GRM1: variants seen among roughly 807,000 people sequenced by gnomAD.
GRM1 encodes the protein metabotropic glutamate receptor 1.
In GRM1, 33 loss-of-function variants were observed where a neutral mutation model predicts 90.9. That is an observed-to-expected ratio of 0.36 (90% confidence interval 0.28 to 0.49). The LOEUF (loss-of-function observed/expected upper bound fraction) is 0.49, where lower values mean the gene tolerates loss of function less well. Among genes scored for constraint, GRM1 ranks in the 20% least tolerant of loss-of-function variants. GRM1 has a pLI of 0.99. For missense variants in GRM1, 1,190 were observed against 1,534.3 expected, an observed-to-expected ratio of 0.78 and a Z score of 3.75; for synonymous variants, 700 against 613.2, an observed-to-expected ratio of 1.14 and a Z score of -2.09.
chr6:146,053,509 C>T (rs893143805), intron 1 of GRM1, among the ~76,000 whole-genome samples: 1 of 152,034 alleles, frequency 6.6e-6, no homozygotes, highest in Non-Finnish European at 1.5e-5. Flanking sequence ...CCAGGAACCT[C>T]ATTTTGCAGA....
At chr6:146,286,646 T>G (rs1782774873) in intron 2 of GRM1, among the ~76,000 whole-genome samples, 1 of 152,212 alleles carries the variant, frequency 6.6e-6, no homozygotes, top group South Asian at 2.1e-4. Context: ...AAGGGCTTCA[T>G]GTTTAGATAT....
chr6:146,086,433 G>A (rs1298758963), intron 1 of GRM1, among the ~76,000 whole-genome samples: 3 of 152,072 alleles, frequency 2.0e-5, no homozygotes, highest in Admixed American at 6.6e-5. Flanking sequence ...GTAAGAGAAA[G>A]GGTGCTCATT....
chr6:146,384,048 G>T (rs1776410783), intron 5 of GRM1, among the ~76,000 whole-genome samples: 2 of 152,062 alleles, frequency 1.3e-5, no homozygotes, highest in Admixed American at 1.3e-4. Flanking sequence ...ATTTCCTGAT[G>T]GTTGTTCATT....
At position 146,043,796 on chromosome 6, in the gene GRM1, T is replaced by TATATATATAGATATATATAG. The variant is rs1554260530; in HGVS notation, c.700+13588_700+13589insGATATATATAGATATATATA. ...AAGAGTCAGGTGATATATATATATA[T>TATATATATAGATATATATAG]ATATATATATATATAAAGGGAAGTG... is the stretch of plus-strand genomic sequence containing the variant. On this transcript the variant is annotated intron_variant, in intron 1 of 7. Transcript: ENST00000282753. Among the ~76,000 whole-genome samples the TATATATATAGATATATATAG allele has an allele frequency of 1.3e-4, 18 of 137,942 alleles. No individual in the cohort carries two copies. The South Asian group carries it at 3.8e-3, about 29-fold the overall frequency. 90.5% of individuals were successfully genotyped at this position (137,942 alleles called of 152,430 possible). A position where few individuals can be genotyped will look rare whatever the true frequency, so the allele number is the denominator to read the frequency against.
chr6:146,134,652 C>T (rs569056473), intron 1 of GRM1, among the ~76,000 whole-genome samples: 20 of 152,166 alleles, frequency 1.3e-4, no homozygotes, highest in African/African-American at 4.6e-4. Flanking sequence ...CAGCATGGAC[C>T]GGGTGTGGTG....
chr6:146,425,380 T>C (rs1010920146), intron 7 of GRM1, among the ~76,000 whole-genome samples: 4 of 152,232 alleles, frequency 2.6e-5, no homozygotes, highest in African/African-American at 9.6e-5. Flanking sequence ...GGAAGGGGCA[T>C]GGTCTCCTCC....
chr6:146,381,826 C>T (rs1376043476), intron 5 of GRM1, among the ~76,000 whole-genome samples: 2 of 152,044 alleles, frequency 1.3e-5, no homozygotes, highest in Non-Finnish European at 2.9e-5. Context: ...ACTTTTCCAC[C>T]ATTATGTTCT....
intron 5 of GRM1, among the ~76,000 whole-genome samples, chr6:146,380,492 T>G (rs1237591789): frequency 6.6e-6 from 1 of 152,110 alleles, no homozygotes; most frequent in Non-Finnish European, 1.5e-5. Context: ...GTCTCTGAAG[T>G]CAGCTTGTGG....
chr6:146,274,813 G>T (rs986190910), intron 2 of GRM1, among the ~76,000 whole-genome samples: 1 of 152,120 alleles, frequency 6.6e-6, no homozygotes, highest in Non-Finnish European at 1.5e-5. Flanking sequence ...AAATGCATCA[G>T]GACCAAGATG....
At chr6:146,159,627 TCTCTCTCTCTCTCTCACA>T in intron 2 of GRM1, 30 bp downstream of exon 2, 3 of 1,522,368 alleles carry the variant, frequency 2.0e-6, no homozygotes, top group African/African-American at 3.5e-5. Context: ...TCTCTCTCTC[TCTCTCTCTCTCTCTCACA>T]CACACACATG....
At chr6:146,423,635 G>T (rs927836552) in intron 7 of GRM1, among the ~76,000 whole-genome samples, 1 of 152,120 alleles carries the variant, frequency 6.6e-6, no homozygotes, top group Non-Finnish European at 1.5e-5. Context: ...AGTCACAGAG[G>T]CCACAGAGCT....
At chr6:146,302,539 TTTTA>T (rs370040664) in intron 2 of GRM1, among the ~76,000 whole-genome samples, 160 of 150,276 alleles carry the variant, frequency 1.1e-3, no homozygotes, top group African/African-American at 3.4e-3. Context: ...ATCCAGATAA[TTTTA>T]TTTATTTATT....
At chr6:146,161,448 G>T (rs1219943750) in intron 2 of GRM1, among the ~76,000 whole-genome samples, 1 of 152,118 alleles carries the variant, frequency 6.6e-6, no homozygotes, top group Non-Finnish European at 1.5e-5. Context: ...TAATGCAATT[G>T]AACTCATACA....
At chr6:146,094,608 T>C (rs1776817704) in intron 1 of GRM1, among the ~76,000 whole-genome samples, 1 of 152,138 alleles carries the variant, frequency 6.6e-6, no homozygotes. Context: ...AATCATTTCA[T>C]TGTTAATGGT....
chr6:146,152,740 G>A (rs1286784675), intron 1 of GRM1, among the ~76,000 whole-genome samples: 2 of 152,086 alleles, frequency 1.3e-5, no homozygotes, highest in Non-Finnish European at 2.9e-5. Context: ...AACATTTCTT[G>A]GCAACTCTTA....
intron 2 of GRM1, among the ~76,000 whole-genome samples, chr6:146,282,148 C>G (rs557672776): frequency 1.3e-5 from 2 of 152,174 alleles, no homozygotes; most frequent in African/African-American, 4.8e-5. Context: ...CACACTCTTT[C>G]CTGTCTGTCT....
intron 7 of GRM1, among the ~76,000 whole-genome samples, chr6:146,419,643 G>C (rs1272972562): frequency 6.6e-6 from 1 of 152,110 alleles, no homozygotes; most frequent in Non-Finnish European, 1.5e-5. Flanking sequence ...ATCACGACTG[G>C]GAGGCCTCAG....
chr6:146,293,537 G>C (rs188212538), intron 2 of GRM1, among the ~76,000 whole-genome samples: 143 of 151,936 alleles, frequency 9.4e-4, no homozygotes, highest in Admixed American at 2.0e-3. Context: ...CAACAATATC[G>C]TGAGTGATAT....
Position 146,161,984 on chromosome 6 carries a change from T to G in GRM1, c.950+2387T>G, listed in dbSNP as rs370744175. On this transcript the variant is annotated intron_variant, in intron 2 of 7. Coordinates refer to ENST00000282753, the MANE Select transcript of GRM1 (RefSeq NM_001278064.2). ...TATCGGGGATGGATTCTATCCTAAA[T>G]GCTGCTCTGTCACTCATGTCAATGG... is the stretch of plus-strand genomic sequence containing the variant. Among the ~76,000 whole-genome samples the G allele has an allele frequency of 9.8e-5, 15 of 152,306 alleles. No individual in the cohort carries two copies. In the East Asian group the frequency reaches 2.3e-3, roughly 24 times the overall value.
Sources: allele counts gnomAD v4.1 joint callset (sites outside exome capture counted in the v4.1 genomes callset), GRCh38; gene constraint gnomAD v4.1.1; transcripts MANE v1.5; gene names NCBI Gene and HGNC (gene_info 2026-07-23, HGNC 2026-07-21).